Variants in ATP2C1 observed in about 807,000 individuals in gnomAD.
The protein encoded by ATP2C1 is calcium-transporting ATPase type 2C member 1.
ATP2C1 carries 31 observed loss-of-function variants against 120.5 expected under a neutral mutation model. That is an observed-to-expected ratio of 0.26 (90% CI 0.19 to 0.35). The LOEUF is 0.35. Ranked by LOEUF, ATP2C1 falls within the 10% of genes least tolerant of loss-of-function variation. ATP2C1 has a pLI of 1.00. For synonymous variants in ATP2C1, 351 were observed against 358.7 expected, an observed-to-expected ratio of 0.98 and a Z score of 0.24; for missense variants, 731 against 1,107.5, an observed-to-expected ratio of 0.66 and a Z score of 4.83.
At chr3:130,901,968 T>C (rs996051296) in intron 2 of ATP2C1, among the ~76,000 whole-genome samples, 1 of 151,874 alleles carries the variant, frequency 6.6e-6, no homozygotes, top group African/African-American at 2.4e-5. Flanking sequence ...GTAAGCATGC[T>C]ACAATCCGTA....
chr3:130,887,098 G>A (rs1336209803), intron 1 of ATP2C1, among the ~76,000 whole-genome samples: 1 of 152,174 alleles, frequency 6.6e-6, no homozygotes, highest in Non-Finnish European at 1.5e-5. Flanking sequence ...GTACTGCCTT[G>A]GTGGTCTTGG....
At chr3:130,940,934 AGATG>A (rs2059869191) in intron 7 of ATP2C1, among the ~76,000 whole-genome samples, 1 of 29,998 alleles carries the variant, frequency 3.3e-5, no homozygotes, top group African/African-American at 1.6e-4. Context: ...TTTTTTTTTT[AGATG>A]GAGTCTGGCT....
chr3:130,923,301 A>T (rs766935986), intron 2 of ATP2C1, among the ~76,000 whole-genome samples: 2 of 151,694 alleles, frequency 1.3e-5, no homozygotes, highest in Non-Finnish European at 2.9e-5. Context: ...ACCTTGGCAC[A>T]CTGCAACCTC....
downstream of ATP2C1, among the ~76,000 whole-genome samples, chr3:131,007,889 A>G (rs759478594): frequency 1.3e-5 from 2 of 152,238 alleles, no homozygotes; most frequent in Non-Finnish European, 2.9e-5. Context: ...GAAAGACATG[A>G]CAAACTTTAC....
exon 1 of ATP2C1, chr3:130,850,815 C>T (rs1429955352): frequency 5.0e-6 from 7 of 1,405,340 alleles, no homozygotes; most frequent in African/African-American, 1.5e-5. Context: ...TCTTGCTTTC[C>T]TCACTATGGA....
Position 130,894,568 on chromosome 3 carries a change from C to G in ATP2C1, c.-180-22C>G, listed in dbSNP as rs1417030375. ...CTTCCTCAGCCTCTCGTCAGCGCCG[C>G]TTCTCCTGGTTTCTCTTGCAGATGC... On this transcript the variant is annotated intron_variant, in intron 1 of 27. Transcript: ENST00000510168. The surrounding 1 kb of genome is among the most constrained non-coding windows in gnomAD (Gnocchi z 4.5). 7.0e-7 allele frequency: 1 copy of G among 1,437,684 alleles called. No individual in the cohort carries two copies. Among genetic ancestry groups the G allele is most frequent in the Non-Finnish European group, 9.1e-7 (1 of 1,095,076 alleles). The allele number at this position is 1,437,684 out of a possible 1,614,324, so 89.1% of individuals were successfully genotyped here. A position where few individuals can be genotyped will look rare whatever the true frequency, so the allele number is the denominator to read the frequency against.
At chr3:130,909,463 C>T (rs1276451594) in intron 2 of ATP2C1, among the ~76,000 whole-genome samples, 2 of 152,170 alleles carry the variant, frequency 1.3e-5, no homozygotes, top group African/African-American at 4.8e-5. Flanking sequence ...TCAGGTACTG[C>T]CCTTCATACT....
chr3:130,943,770 A>G (rs1275461094), intron 8 of ATP2C1, among the ~76,000 whole-genome samples: 3 of 152,210 alleles, frequency 2.0e-5, no homozygotes, highest in Admixed American at 1.3e-4. Flanking sequence ...GACTTTTGCA[A>G]CTACTTTGAC....
At chr3:130,991,316 CA>C (rs1212182852) in intron 20 of ATP2C1, among the ~76,000 whole-genome samples, 1 of 152,040 alleles carries the variant, frequency 6.6e-6, no homozygotes, top group African/African-American at 2.4e-5. Context: ...TAGGCATTAG[CA>C]ATGTGGTGGT....
chr3:130,940,905 ATTTTTTTTTTTTTT>A (rs749879416), intron 7 of ATP2C1, among the ~76,000 whole-genome samples: 4 of 86,072 alleles, frequency 4.6e-5, no homozygotes, highest in African/African-American at 1.9e-4. Context: ...TATTTAACAG[ATTTTTTTTTTTTTT>A]TTTTTTTTTT....
At chr3:130,978,303 T>C (rs1361678255) in intron 18 of ATP2C1, among the ~76,000 whole-genome samples, 1 of 152,142 alleles carries the variant, frequency 6.6e-6, no homozygotes, top group Admixed American at 6.6e-5. Context: ...ATGTAATCTT[T>C]CATACCTTCT....
intron 1 of ATP2C1, among the ~76,000 whole-genome samples, chr3:130,878,663 C>A (rs142270885): frequency 2.3e-4 from 35 of 152,234 alleles, no homozygotes; most frequent in African/African-American, 8.2e-4. Flanking sequence ...GTATAGTATT[C>A]TTGCCTGACA....
At chr3:130,901,346 T>C (rs1297964560) in intron 2 of ATP2C1, among the ~76,000 whole-genome samples, 1 of 152,056 alleles carries the variant, frequency 6.6e-6, no homozygotes, top group Non-Finnish European at 1.5e-5. Context: ...TATTATATCT[T>C]GATATGTACC....
In ATP2C1 at chr3:130,954,824, A is replaced by G. The variant is rs2060509500; in HGVS notation, c.688-188A>G. ...AATGTAATGTTTGTTTCCAGAGTTT[A>G]AATCATAAGGGGCAAATGCTAATGA... On this transcript the variant is annotated intron_variant, in intron 9 of 27. Transcript: ENST00000510168. Among the ~76,000 whole-genome samples the G allele has an allele frequency of 2.0e-5, 3 of 152,228 alleles. No individual in the cohort carries two copies. The South Asian group carries it at 6.2e-4, about 32-fold the overall frequency.
intron 2 of ATP2C1, among the ~76,000 whole-genome samples, chr3:130,912,225 T>C (rs1225845018): frequency 7.7e-6 from 1 of 129,466 alleles, no homozygotes; most frequent in Non-Finnish European, 1.6e-5. Context: ...CCAAAAGCAA[T>C]GGCAACAAAA....
intron 1 of ATP2C1, among the ~76,000 whole-genome samples, chr3:130,883,664 C>T (rs1210781021): frequency 6.6e-6 from 1 of 152,094 alleles, no homozygotes; most frequent in Non-Finnish European, 1.5e-5. Flanking sequence ...GTTGTCCAGG[C>T]TGGTCTCAAA....
intron 6 of ATP2C1, among the ~76,000 whole-genome samples, chr3:130,939,594 G>A (rs536277614): frequency 6.6e-5 from 10 of 152,264 alleles, no homozygotes; most frequent in African/African-American, 2.2e-4. Context: ...TTATTACTGG[G>A]ATCTAGGATT....
chr3:130,904,933 C>T (rs1010150267), intron 2 of ATP2C1, among the ~76,000 whole-genome samples: 11 of 151,948 alleles, frequency 7.2e-5, no homozygotes, highest in Non-Finnish European at 1.6e-4. Context: ...AATTGTTGCT[C>T]AAGTCATTCT....
intron 2 of ATP2C1, among the ~76,000 whole-genome samples, chr3:130,902,327 G>C (rs2057898132): frequency 8.7e-6 from 1 of 115,346 alleles, no homozygotes; most frequent in African/African-American, 3.8e-5. Context: ...TTTTTTCTGA[G>C]AGGTGAGTGG....
Sources: allele counts gnomAD v4.1 joint callset (sites outside exome capture counted in the v4.1 genomes callset), GRCh38; gene constraint gnomAD v4.1.1; non-coding constraint Gnocchi (gnomAD v3.1); transcripts MANE v1.5; gene names NCBI Gene and HGNC (gene_info 2026-07-23, HGNC 2026-07-21).